The following ST6GALNAC3 variants were observed in gnomAD, a reference collection of about 807,000 sequenced individuals.
ST6GALNAC3 encodes ST6 N-acetylgalactosaminide alpha-2,6-sialyltransferase 3.
A neutral mutation model predicts 32.7 loss-of-function variants in ST6GALNAC3; 25 were observed. The ratio of observed to expected loss-of-function variants is 0.76; its 90% confidence interval spans 0.56 to 1.07. The LOEUF is 1.07. ST6GALNAC3 is among the 50% of genes least tolerant of loss of function. The pLI is 0.00. For missense variants in ST6GALNAC3, 355 were observed against 382.4 expected, an observed-to-expected ratio of 0.93 and a Z score of 0.60; for synonymous variants, 129 against 133.1, an observed-to-expected ratio of 0.97 and a Z score of 0.21.
chr1:76,163,842 C>T (rs1651957495), intron 1 of ST6GALNAC3, among the ~76,000 whole-genome samples: 2 of 152,202 alleles, frequency 1.3e-5, no homozygotes, highest in Admixed American at 6.5e-5. Context: ...CAATCAAAAT[C>T]ATTCCTGTGA....
chr1:76,203,282 G>C (rs1410286724), intron 1 of ST6GALNAC3, among the ~76,000 whole-genome samples: 1 of 152,156 alleles, frequency 6.6e-6, no homozygotes, highest in Non-Finnish European at 1.5e-5. Flanking sequence ...CTCAGTTGTA[G>C]AGCTCCCTCC....
intron 3 of ST6GALNAC3, among the ~76,000 whole-genome samples, chr1:76,489,338 T>C (rs1660341632): frequency 6.6e-6 from 1 of 152,102 alleles, no homozygotes; most frequent in Non-Finnish European, 1.5e-5. Flanking sequence ...CAAATATTTA[T>C]TGAGTATGTA....
chr1:76,180,594 T>C (rs1420486613), intron 1 of ST6GALNAC3, among the ~76,000 whole-genome samples: 1 of 151,848 alleles, frequency 6.6e-6, no homozygotes, highest in Non-Finnish European at 1.5e-5. Context: ...AACCCCAGAC[T>C]CCAGAAGCAG....
At chr1:76,199,813 T>C (rs1999734) in intron 1 of ST6GALNAC3, among the ~76,000 whole-genome samples, 95,990 of 152,080 alleles carry the variant, frequency 0.63, 31,502 homozygotes, top group East Asian at 0.93. Flanking sequence ...ATGTGGAATG[T>C]ACTCTGTAGC....
intron 1 of ST6GALNAC3, among the ~76,000 whole-genome samples, chr1:76,159,002 G>T (rs1389474941): frequency 6.6e-6 from 1 of 152,166 alleles, no homozygotes; most frequent in Non-Finnish European, 1.5e-5. Context: ...TCTCCAATGT[G>T]CCAGGGTCGT....
chr1:76,361,085 A>T (rs1022173527), intron 2 of ST6GALNAC3, among the ~76,000 whole-genome samples: 34 of 152,164 alleles, frequency 2.2e-4, no homozygotes, highest in African/African-American at 8.0e-4. Context: ...ATAAAAAATT[A>T]ATGTAAAATT....
rs749170623 is a variant in ST6GALNAC3, at chr1:76,405,587, A to ATG, written c.214-6403_214-6402dup. Among the ~76,000 whole-genome samples, 1,302 of 136,296 alleles carry ATG rather than the reference A, an allele frequency of 9.6e-3. 19 individuals are homozygous for ATG. Among genetic ancestry groups the ATG allele is most frequent in the African/African-American group, 0.03 (1,023 of 34,080 alleles). The allele number at this position is 136,296 out of a possible 152,430, so 89.4% of individuals were successfully genotyped here. On this transcript the variant is annotated intron_variant, in intron 2 of 4. Transcript: ENST00000328299. ...CACATCAGCTAAGTGAAGGTAACAG[A>ATG]TGTGTGTGTGTGTGTGTGTATTTGT...
intron 3 of ST6GALNAC3, among the ~76,000 whole-genome samples, chr1:76,504,957 T>A (rs931386476): frequency 6.6e-6 from 1 of 152,162 alleles, no homozygotes; most frequent in African/African-American, 2.4e-5. Flanking sequence ...TCTCATACGG[T>A]AATTTCACAC....
intron 3 of ST6GALNAC3, among the ~76,000 whole-genome samples, chr1:76,590,242 G>T (rs778376497): frequency 5.9e-4 from 89 of 152,132 alleles, no homozygotes; most frequent in Admixed American, 1.2e-3. Flanking sequence ...CATTTCATCT[G>T]CCATTACTTT....
At chr1:76,378,614 A>T (rs1651434144) in intron 2 of ST6GALNAC3, among the ~76,000 whole-genome samples, 3 of 151,790 alleles carry the variant, frequency 2.0e-5, no homozygotes, top group African/African-American at 7.2e-5. Context: ...GTGAGTGGAG[A>T]TCACACCACT....
chr1:76,383,151 C>T (rs1173059913), intron 2 of ST6GALNAC3, among the ~76,000 whole-genome samples: 3 of 152,142 alleles, frequency 2.0e-5, no homozygotes, highest in African/African-American at 7.2e-5. Flanking sequence ...TAACCACCAA[C>T]TTAATTCTAT....
chr1:76,187,733 A>G (rs1216783984), intron 1 of ST6GALNAC3, among the ~76,000 whole-genome samples: 3 of 151,522 alleles, frequency 2.0e-5, no homozygotes, highest in Admixed American at 6.6e-5. Flanking sequence ...CCCACTCCAA[A>G]CACACACACA....
At chr1:76,177,195 G>A (rs1652908494) in intron 1 of ST6GALNAC3, among the ~76,000 whole-genome samples, 1 of 151,944 alleles carries the variant, frequency 6.6e-6, no homozygotes, top group Non-Finnish European at 1.5e-5. Context: ...AGAGCCTTTT[G>A]GTCTGAGCTT....
At chr1:76,361,565 A>G (rs12734622) in intron 2 of ST6GALNAC3, among the ~76,000 whole-genome samples, 7,889 of 152,236 alleles carry the variant, frequency 0.052, 310 homozygotes, top group African/African-American at 0.11. Flanking sequence ...TTTCTGTATC[A>G]GTTCCATTTT....
At chr1:76,189,979 G>A (rs1653801168) in intron 1 of ST6GALNAC3, among the ~76,000 whole-genome samples, 1 of 152,180 alleles carries the variant, frequency 6.6e-6, no homozygotes, top group Non-Finnish European at 1.5e-5. Flanking sequence ...AGAGCTCAGT[G>A]TGACAGATAA....
intron 1 of ST6GALNAC3, 114 bp from the exon 2 acceptor site, chr1:76,313,691 C>G: frequency 9.1e-7 from 1 of 1,101,434 alleles, no homozygotes; most frequent in Non-Finnish European, 1.4e-6. Context: ...TGCTGAATGA[C>G]AGAATCCTTC....
At chr1:76,511,444 T>C (rs964362366) in intron 3 of ST6GALNAC3, among the ~76,000 whole-genome samples, 3 of 152,170 alleles carry the variant, frequency 2.0e-5, no homozygotes, top group African/African-American at 2.4e-5. Context: ...CACTAACTCC[T>C]GCTGCTGCTC....
chr1:76,210,065 T>C (rs1339384862), intron 1 of ST6GALNAC3, among the ~76,000 whole-genome samples: 1 of 152,188 alleles, frequency 6.6e-6, no homozygotes, highest in Non-Finnish European at 1.5e-5. Flanking sequence ...CTTTTCTTTT[T>C]TTCTTTTTAT....
At chr1:76,586,033 C>T (rs1327152327) in intron 3 of ST6GALNAC3, among the ~76,000 whole-genome samples, 32 of 152,174 alleles carry the variant, frequency 2.1e-4, no homozygotes, top group Admixed American at 1.8e-3. Flanking sequence ...GACGAGGCCA[C>T]GGGCTCATTT....
Sources: gnomAD v4.1 joint callset for allele counts (sites outside exome capture counted in the v4.1 genomes callset) on GRCh38, gnomAD v4.1.1 for gene constraint, MANE v1.5 for transcripts, NCBI Gene and HGNC (gene_info 2026-07-23, HGNC 2026-07-21) for gene names.